Variants in PRR5L observed in about 807,000 individuals in gnomAD.
PRR5L encodes proline rich 5 like, also known as proline-rich protein 5-like.
In PRR5L, 21 loss-of-function variants were observed where a neutral mutation model predicts 36.4. The ratio of observed to expected loss-of-function variants is 0.58; its 90% CI spans 0.41 to 0.83. PRR5L has a LOEUF of 0.83. Ranked by LOEUF, PRR5L falls within the 40% of genes least tolerant of loss-of-function variation. The pLI, the probability that PRR5L is intolerant of heterozygous loss-of-function variation, is 0.00. For synonymous variants in PRR5L, 188 were observed against 197.0 expected (o/e 0.95, Z 0.38); for missense variants, 381 against 473.3 (o/e 0.80, Z 1.81).
rs542463366 is a variant in PRR5L at position 36,345,929 on chromosome 11, G to A, written c.-126+49491G>A. Among the ~76,000 whole-genome samples the A allele has an allele frequency of 1.4e-4, 22 of 152,320 alleles. No individual in the cohort carries two copies. The South Asian group carries it at 1.5e-3, about 10-fold the overall frequency. ...TTCACGGGAGCGTGGCAACACCCAG[G>A]GCTGGCTATAACTGCTGCTTGAAGA... On this transcript the variant is annotated intron_variant, in intron 1 of 8. Coordinates refer to ENST00000530639, the MANE Select transcript of PRR5L (RefSeq NM_001160167.2).
chr11:36,394,803 T>C (rs1441171118), intron 1 of PRR5L, among the ~76,000 whole-genome samples: 1 of 152,204 alleles, frequency 6.6e-6, no homozygotes, highest in Non-Finnish European at 1.5e-5. Context: ...TTGCATCTTT[T>C]GCCATATAAG....
intron 3 of PRR5L, 88 bp from the exon 4 acceptor site, chr11:36,419,167 C>T (rs537500535): frequency 4.1e-6 from 5 of 1,225,760 alleles, no homozygotes; most frequent in Non-Finnish European, 6.0e-6. Context: ...GACCTGGCCC[C>T]ACCCCGTGCC....
chr11:36,314,020 A>G (rs1013954969), intron 1 of PRR5L, among the ~76,000 whole-genome samples: 6 of 152,174 alleles, frequency 3.9e-5, no homozygotes, highest in African/African-American at 1.4e-4. Flanking sequence ...AATTTCTCTG[A>G]TGTAAAATGG....
intron 1 of PRR5L, among the ~76,000 whole-genome samples, chr11:36,313,357 T>G (rs1856523131): frequency 6.6e-6 from 1 of 152,214 alleles, no homozygotes; most frequent in African/African-American, 2.4e-5. Context: ...TATTACATGT[T>G]TCATCCTGCC....
chr11:36,309,920 C>A (rs1447580557), intron 1 of PRR5L, among the ~76,000 whole-genome samples: 3 of 16,172 alleles, frequency 1.9e-4, no homozygotes, highest in Non-Finnish European at 6.3e-4. Context: ...AGTTATGTGG[C>A]AATTCTTTGA....
chr11:36,347,312 T>C, intron 1 of PRR5L, among the ~76,000 whole-genome samples: 1 of 152,190 alleles, frequency 6.6e-6, no homozygotes, highest in East Asian at 1.9e-4. Flanking sequence ...GCCTATGGAA[T>C]GGGACAGTTT....
rs142426278 is a variant in PRR5L at position 36,308,797 on chromosome 11, G to C, written c.-126+12359G>C. On this transcript the variant is annotated intron_variant, in intron 1 of 8. Coordinates refer to ENST00000530639, the MANE Select transcript of PRR5L (RefSeq NM_001160167.2). ...GACTCTATCAGAGGCTTTAAATAATGCTTGCACTGTTTGGCTTGGCCTTCT... is the reference window on the plus strand; with the variant it reads ...GACTCTATCAGAGGCTTTAAATAATCCTTGCACTGTTTGGCTTGGCCTTCT... 7.0e-4 allele frequency among the ~76,000 whole-genome samples: 106 copies of C among 152,270 alleles called. 2 individuals carry two copies. In the East Asian group the frequency reaches 0.02, roughly 29 times the overall value.
intron 7 of PRR5L, among the ~76,000 whole-genome samples, chr11:36,449,079 T>C (rs1858892073): frequency 6.6e-6 from 1 of 152,194 alleles, no homozygotes; most frequent in Non-Finnish European, 1.5e-5. Flanking sequence ...CTGGGAATGT[T>C]GCCTTTGGCC....
At chr11:36,355,145 C>T (rs1857012670) in intron 1 of PRR5L, among the ~76,000 whole-genome samples, 1 of 152,214 alleles carries the variant, frequency 6.6e-6, no homozygotes, top group African/African-American at 2.4e-5. Context: ...GAGGTCTCAT[C>T]TGCCTCAACA....
At chr11:36,335,313 C>T (rs1034804650) in intron 1 of PRR5L, among the ~76,000 whole-genome samples, 1 of 152,142 alleles carries the variant, frequency 6.6e-6, no homozygotes, top group Non-Finnish European at 1.5e-5. Flanking sequence ...GATCTGCCTG[C>T]CTCGACCTCC....
At chr11:36,382,785 G>C (rs541289057) in intron 1 of PRR5L, among the ~76,000 whole-genome samples, 88 of 152,324 alleles carry the variant, frequency 5.8e-4, no homozygotes, top group Middle Eastern at 3.4e-3. Context: ...TCTCCAGGCA[G>C]TGGGACAAAA....
intron 1 of PRR5L, among the ~76,000 whole-genome samples, chr11:36,312,981 G>A (rs1196847546): frequency 6.6e-6 from 1 of 152,244 alleles, no homozygotes; most frequent in East Asian, 1.9e-4. Context: ...GGTCTCCAGA[G>A]GAGCCGCTTT....
chr11:36,373,916 C>T (rs1458569595), intron 1 of PRR5L, among the ~76,000 whole-genome samples: 3 of 152,194 alleles, frequency 2.0e-5, no homozygotes, highest in Non-Finnish European at 4.4e-5. Context: ...ATGTGCCAGA[C>T]ACTATTCTAG....
chr11:36,462,268 C>G, intron 8 of PRR5L, 74 bp from the exon 9 acceptor site: 3 of 1,406,464 alleles, frequency 2.1e-6, no homozygotes, highest in Non-Finnish European at 2.8e-6. Context: ...TTCTTTTCCC[C>G]CAGTTGGATT....
intron 1 of PRR5L, chr11:36,321,357 T>C (rs1366783330): frequency 2.0e-5 from 3 of 152,188 alleles, no homozygotes; most frequent in Admixed American, 6.5e-5. Context: ...CCAGATCCTG[T>C]AGAAAGAGTA....
In PRR5L at chr11:36,462,619, C is replaced by T. The variant is rs2133642563; in HGVS notation, c.990C>T (p.Pro330=). 1 of 1,612,532 alleles carries T rather than the reference C, an allele frequency of 6.2e-7. No individual in the cohort carries two copies. Among genetic ancestry groups the T allele is most frequent in the South Asian group, 1.1e-5 (1 of 91,024 alleles). ...NKCLLLPPSF[P]PPHRQCSSEP... ...GCCTGCTCCTGCCACCCAGCTTCCC[C>T]CCGCCCCACCGGCAGTGCTCCAGTG... Residue 330 remains proline, a synonymous_variant, in exon 9 of 9, where the codon CCC becomes CCT. Transcript: ENST00000530639.
chr11:36,406,342 C>T (rs756859948), intron 3 of PRR5L, among the ~76,000 whole-genome samples: 13 of 151,836 alleles, frequency 8.6e-5, no homozygotes, highest in African/African-American at 1.7e-4. Context: ...CAGAATAAGC[C>T]AAAGCTTAAA....
chr11:36,418,688 C>A (rs940284974), intron 3 of PRR5L, among the ~76,000 whole-genome samples: 1 of 151,826 alleles, frequency 6.6e-6, no homozygotes, highest in South Asian at 2.1e-4. Context: ...CCCAGCTACT[C>A]GGGAGGCTGA....
At chr11:36,362,518 C>CA (rs1466007354) in intron 1 of PRR5L, among the ~76,000 whole-genome samples, 2 of 151,876 alleles carry the variant, frequency 1.3e-5, no homozygotes, top group African/African-American at 4.8e-5. Context: ...AACAAATCTC[C>CA]AAAAAAGGAC....
Sources: allele counts gnomAD v4.1 joint callset (sites outside exome capture counted in the v4.1 genomes callset), GRCh38; gene constraint gnomAD v4.1.1; transcripts MANE v1.5; gene names NCBI Gene and HGNC (gene_info 2026-07-23, HGNC 2026-07-21).